Variants in CSMD1 observed in about 807,000 individuals in gnomAD.
The protein encoded by CSMD1 is CUB and sushi domain-containing protein 1.
In CSMD1, 213 loss-of-function variants were observed where a neutral mutation model predicts 417.5. The observed-to-expected ratio is 0.51, with a 90% CI of 0.46 to 0.57. The LOEUF (loss-of-function observed/expected upper bound fraction) is 0.57, where lower values mean the gene tolerates loss of function less well. Among genes scored for constraint, CSMD1 ranks in the 20% least tolerant of loss-of-function variants. The pLI is 0.00. For synonymous variants in CSMD1, 2,862 were observed against 1,736.8 expected (o/e 1.65, Z -16.11); for missense variants, 6,923 against 4,529.7 (o/e 1.53, Z -15.17).
At chr8:3,296,256 C>T (rs1803955332) in intron 25 of CSMD1, among the ~76,000 whole-genome samples, 1 of 151,536 alleles carries the variant, frequency 6.6e-6, no homozygotes, top group Admixed American at 6.6e-5. Context: ...GTGTTTGTCG[C>T]ATCCTGTGAG....
intron 5 of CSMD1, among the ~76,000 whole-genome samples, chr8:3,858,153 T>C (rs951652667): frequency 2.0e-5 from 3 of 152,194 alleles, no homozygotes; most frequent in East Asian, 1.9e-4. Context: ...GAGGTAGAAA[T>C]GGAGGCTTTT....
chr8:4,634,693 G>C (rs1195768145), intron 2 of CSMD1, among the ~76,000 whole-genome samples: 1 of 152,130 alleles, frequency 6.6e-6, no homozygotes, highest in East Asian at 1.9e-4. Flanking sequence ...GGCATAATGG[G>C]AAACGAATAG....
At chr8:4,800,490 T>A (rs561777293) in intron 1 of CSMD1, among the ~76,000 whole-genome samples, 33 of 152,170 alleles carry the variant, frequency 2.2e-4, no homozygotes, top group Admixed American at 1.9e-3. Flanking sequence ...GTCTTAGGTT[T>A]AATTCCTGGG....
intron 3 of CSMD1, among the ~76,000 whole-genome samples, chr8:4,418,372 A>G (rs1470489514): frequency 1.3e-5 from 2 of 152,132 alleles, no homozygotes; most frequent in African/African-American, 4.8e-5. Flanking sequence ...TTATACCATC[A>G]TGACCACCAG....
intron 37 of CSMD1, among the ~76,000 whole-genome samples, chr8:3,180,843 C>T (rs1226637123): frequency 1.3e-5 from 2 of 151,844 alleles, no homozygotes; most frequent in Admixed American, 6.6e-5. Context: ...GGGGTTTCTC[C>T]GTGTTGGACA....
intron 26 of CSMD1, among the ~76,000 whole-genome samples, chr8:3,230,773 T>C (rs973629396): frequency 2.0e-5 from 3 of 152,170 alleles, no homozygotes; most frequent in Non-Finnish European, 4.4e-5. Flanking sequence ...AAATTATTAA[T>C]AACCCCCTTT....
At chr8:4,521,783 G>C (rs189793728) in intron 2 of CSMD1, among the ~76,000 whole-genome samples, 1 of 152,136 alleles carries the variant, frequency 6.6e-6, no homozygotes, top group Non-Finnish European at 1.5e-5. Flanking sequence ...GGATACTTAA[G>C]TGTGAAAGGA....
intron 2 of CSMD1, among the ~76,000 whole-genome samples, chr8:4,581,263 G>A (rs1316005127): frequency 6.6e-6 from 1 of 152,132 alleles, no homozygotes; most frequent in Non-Finnish European, 1.5e-5. Context: ...ATTTCAAAAT[G>A]TTTATTTCAT....
intron 23 of CSMD1, among the ~76,000 whole-genome samples, chr8:3,313,234 A>G (rs1965038): frequency 0.088 from 13,456 of 152,266 alleles, 902 homozygotes; most frequent in African/African-American, 0.18. Flanking sequence ...CTAAAACACC[A>G]AAAGCAATGG....
intron 7 of CSMD1, among the ~76,000 whole-genome samples, chr8:3,678,141 C>A (rs1218221365): frequency 6.6e-6 from 1 of 152,172 alleles, no homozygotes; most frequent in Non-Finnish European, 1.5e-5. Flanking sequence ...GCATTTCCAG[C>A]TGAGGAATGC....
chr8:2,974,980 A>G (rs568023589), intron 55 of CSMD1, among the ~76,000 whole-genome samples: 87 of 152,314 alleles, frequency 5.7e-4, no homozygotes, highest in Non-Finnish European at 1.0e-3. Context: ...TGCGAAAGTA[A>G]CATGGATGCA....
At chr8:3,636,187 G>T (rs1209141803) in intron 7 of CSMD1, among the ~76,000 whole-genome samples, 1 of 152,134 alleles carries the variant, frequency 6.6e-6, no homozygotes, top group African/African-American at 2.4e-5. Flanking sequence ...TTCCATCTTT[G>T]CATCTTGTCC....
chr8:3,494,849 G>T (rs1412885139), intron 10 of CSMD1, among the ~76,000 whole-genome samples: 3 of 152,108 alleles, frequency 2.0e-5, no homozygotes, highest in Admixed American at 6.5e-5. Context: ...AAATAGCGTA[G>T]AAAAGTATCA....
intron 12 of CSMD1, among the ~76,000 whole-genome samples, chr8:3,451,499 G>T (rs1438129291): frequency 1.3e-5 from 2 of 152,188 alleles, no homozygotes; most frequent in Non-Finnish European, 2.9e-5. Flanking sequence ...TGTATAAGGT[G>T]TAAGGAAGGG....
At chr8:4,787,348 T>C in intron 1 of CSMD1, 3 of 731,798 alleles carry the variant, frequency 4.1e-6, no homozygotes, top group Non-Finnish European at 5.0e-6. Flanking sequence ...ACAGCTGAGG[T>C]ACTGAACACT....
At chr8:4,315,945 A>T (rs189219351) in intron 3 of CSMD1, among the ~76,000 whole-genome samples, 2 of 152,184 alleles carry the variant, frequency 1.3e-5, no homozygotes, top group East Asian at 3.9e-4. Flanking sequence ...CCTTCTCTTA[A>T]CTCCTAAATA....
At chr8:4,855,575 T>A (rs187489050) in intron 1 of CSMD1, among the ~76,000 whole-genome samples, 102 of 152,178 alleles carry the variant, frequency 6.7e-4, no homozygotes, top group African/African-American at 2.4e-3. Context: ...TTAAAGGAGC[T>A]GATGGAGCTG....
chr8:3,780,706 G>C (rs901655576), intron 5 of CSMD1, among the ~76,000 whole-genome samples: 7 of 152,202 alleles, frequency 4.6e-5, no homozygotes, highest in Admixed American at 6.5e-5. Flanking sequence ...GCCCAGCCTG[G>C]TGAGAAATGC....
At chr8:3,901,542 C>T (rs1052986486) in intron 5 of CSMD1, among the ~76,000 whole-genome samples, 7 of 152,218 alleles carry the variant, frequency 4.6e-5, no homozygotes, top group African/African-American at 1.4e-4. Context: ...ACCAACCTGC[C>T]GATCACGTTT....
Sources: gnomAD v4.1 joint callset for allele counts (sites outside exome capture counted in the v4.1 genomes callset) on GRCh38, gnomAD v4.1.1 for gene constraint, MANE v1.5 for transcripts, NCBI Gene and HGNC (gene_info 2026-07-23, HGNC 2026-07-21) for gene names.